Variants in SYCE1 observed in about 807,000 individuals in gnomAD.
The protein encoded by SYCE1 is synaptonemal complex central element protein 1.
Under a neutral mutation model 55.1 loss-of-function variants are expected in SYCE1, and 37 were observed. That is an observed-to-expected ratio of 0.67 (90% CI 0.52 to 0.88). The LOEUF is 0.88. Among genes scored for constraint, SYCE1 ranks in the 40% least tolerant of loss-of-function variants. The pLI, the probability that SYCE1 is intolerant of heterozygous loss-of-function variation, is 0.00. For synonymous variants in SYCE1, 163 were observed against 159.4 expected (o/e 1.02, Z -0.17); for missense variants, 399 against 416.4 (o/e 0.96, Z 0.36).
At chr10:133,565,925 G>A (rs1229062881), upstream of SYCE1, among the ~76,000 whole-genome samples, 3 of 152,330 alleles carry the variant, frequency 2.0e-5, no homozygotes, top group South Asian at 4.1e-4. Flanking sequence ...GACTCCACAA[G>A]GCGCTGTGGC....
rs115801346 is a variant in SYCE1 at position 133,556,696 on chromosome 10, C to T, written c.528+63G>A. 9.3e-4 allele frequency: 1,406 copies of T among 1,515,916 alleles called. 19 individuals carry two copies. In the African/African-American group the frequency reaches 0.016, roughly 17 times the overall value. The allele number at this position is 1,515,916 out of a possible 1,614,324, so 93.9% of individuals were successfully genotyped here. A position where few individuals can be genotyped will look rare whatever the true frequency, so the allele number is the denominator to read the frequency against. ...GTGGCAGGTGAGAGGAAGAAGTGACCGTTTGGGCCTGGTGCTGCTAGGGAA... is the reference window on the plus strand; with the variant it reads ...GTGGCAGGTGAGAGGAAGAAGTGACTGTTTGGGCCTGGTGCTGCTAGGGAA... On this transcript the variant is annotated intron_variant, in intron 8 of 12. Coordinates refer to ENST00000343131, the MANE Select transcript of SYCE1 (RefSeq NM_001143764.3).
At chr10:133,555,207 C>T (rs892347415) in intron 12 of SYCE1, 78 bp from the exon 13 acceptor site, 6 of 1,536,554 alleles carry the variant, frequency 3.9e-6, no homozygotes, top group South Asian at 1.2e-5. Flanking sequence ...CCCATCACCA[C>T]CTTGGGTGGA....
At position 133,560,107 on chromosome 10, in the gene SYCE1, C is replaced by T; in HGVS notation, c.120G>A (p.Val40=). The T allele has an allele frequency of 1.2e-6, 2 of 1,614,064 alleles. No homozygotes were observed. The highest frequency in any genetic ancestry group is 1.7e-6 in the Non-Finnish European group (2 of 1,179,984). ...SQKIEDLMEM[V]QKLQKVGSLE... is the part of the protein sequence containing the mutation. Reference sequence around the variant, plus strand: ...ACACACGACCTTTCTGCAGCTTTTGCACCATTTCCATCAAGTCTTCAATTT... The same window carrying T: ...ACACACGACCTTTCTGCAGCTTTTGTACCATTTCCATCAAGTCTTCAATTT... Residue 40 remains valine (V), a synonymous_variant, in exon 2 of 13, where the codon GTG becomes GTA. Coordinates refer to ENST00000343131, the MANE Select transcript of SYCE1 (RefSeq NM_001143764.3).
intron 2 of SYCE1, 93 bp from the exon 3 acceptor site, chr10:133,559,453 C>A: frequency 2.4e-6 from 3 of 1,256,682 alleles, no homozygotes; most frequent in South Asian, 2.5e-5. Flanking sequence ...CAACACAGAT[C>A]TATTGAGTAC....
chr10:133,565,387 CG>C (rs1231906461), intron 1 of SYCE1, 69 bp downstream of exon 1: 39 of 1,373,832 alleles, frequency 2.8e-5, no homozygotes, highest in Non-Finnish European at 3.7e-5. Flanking sequence ...AGCCGCCACC[CG>C]CGCCCCAACC....
Position 133,555,721 on chromosome 10 carries a change from T to A in SYCE1, c.720-14A>T. 2 of 1,607,114 alleles carry A rather than the reference T, an allele frequency of 1.2e-6. No homozygotes were observed. Among genetic ancestry groups the A allele is most frequent in the South Asian group, 1.1e-5 (1 of 91,064 alleles). On this transcript the variant is annotated splice_polypyrimidine_tract_variant and intron_variant, in intron 10 of 12. Transcript: ENST00000343131. ...TGAAACAGCTGCCTGGGGGGCCCAG[T>A]AGGGGGTGGTCAGCACCGGCCACTC... is the stretch of plus-strand genomic sequence containing the variant.
intron 6 of SYCE1, chr10:133,557,601 T>C (rs8181436): frequency 0.11 from 62,257 of 560,436 alleles, 4,282 homozygotes; most frequent in East Asian, 0.26. Flanking sequence ...CCAAGGAGTA[T>C]GACAAAGAGT....
At chr10:133,557,353 T>C in intron 6 of SYCE1, 197 bp from the exon 7 acceptor site, 1 of 598,898 alleles carries the variant, frequency 1.7e-6, no homozygotes, top group Non-Finnish European at 3.0e-6. Flanking sequence ...GAGATTAATG[T>C]GGACATGGTT....
chr10:133,556,680 G>A, intron 8 of SYCE1, 79 bp downstream of exon 8: 1 of 1,444,880 alleles, frequency 6.9e-7, no homozygotes, highest in East Asian at 2.5e-5. Flanking sequence ...TGTGGCAGGT[G>A]AGAGGAAGAA....
chr10:133,565,412 G>C, intron 1 of SYCE1, 45 bp downstream of exon 1: 1 of 1,473,430 alleles, frequency 6.8e-7, no homozygotes, highest in South Asian at 1.3e-5. Flanking sequence ...CCCCGCCTCG[G>C]CGAGGTCAGA....
upstream of SYCE1, among the ~76,000 whole-genome samples, chr10:133,567,126 G>C (rs1481768929): frequency 6.6e-6 from 1 of 151,330 alleles, no homozygotes; most frequent in Non-Finnish European, 1.5e-5. Context: ...TTGAGGTTAT[G>C]AGTTGAGGTT....
At chr10:133,559,785 T>A in intron 2 of SYCE1, 2 of 431,406 alleles carry the variant, frequency 4.6e-6, no homozygotes, top group Non-Finnish European at 8.5e-6. Context: ...GAGTAGCGGG[T>A]GAGGGGGAAG....
At chr10:133,565,620 G>GCGCCTGCGCAATGCA, upstream of SYCE1, 2 of 1,341,576 alleles carry the variant, frequency 1.5e-6, no homozygotes, top group Non-Finnish European at 2.0e-6. Flanking sequence ...TCCAGGCAGC[G>GCGCCTGCGCAATGCA]CGCCTGCGCA....
upstream of SYCE1, among the ~76,000 whole-genome samples, chr10:133,565,902 T>G (rs1206905156): frequency 6.6e-6 from 1 of 152,202 alleles, no homozygotes; most frequent in Non-Finnish European, 1.5e-5. Context: ...AGTGTGCGTG[T>G]CTGACGGATG....
upstream of SYCE1, chr10:133,568,256 G>C (rs1362634243): frequency 2.8e-6 from 4 of 1,423,974 alleles, no homozygotes; most frequent in African/African-American, 1.4e-5. Flanking sequence ...TCCAGGCCGC[G>C]TTCCCCGGGT....
chr10:133,559,547 C>T (rs1172188689), intron 2 of SYCE1, 187 bp from the exon 3 acceptor site: 15 of 611,270 alleles, frequency 2.5e-5, no homozygotes, highest in Non-Finnish European at 3.6e-5. Flanking sequence ...AATAAGATAC[C>T]GAATGGGGCT....
downstream of SYCE1, chr10:133,554,815 G>A (rs1050535229): frequency 4.1e-6 from 6 of 1,458,088 alleles, no homozygotes; most frequent in Non-Finnish European, 5.4e-6. Flanking sequence ...GAAGAAGCTG[G>A]CAGGTACCAG....
upstream of SYCE1, among the ~76,000 whole-genome samples, chr10:133,567,174 T>G (rs1851964311): frequency 6.6e-6 from 1 of 150,646 alleles, no homozygotes; most frequent in Non-Finnish European, 1.5e-5. Flanking sequence ...GGGTTGGTGT[T>G]GGATTTAGGG....
upstream of SYCE1, among the ~76,000 whole-genome samples, chr10:133,567,364 G>A (rs930922742): frequency 6.6e-6 from 1 of 151,618 alleles, no homozygotes; most frequent in Non-Finnish European, 1.5e-5. Flanking sequence ...GGTGTTAGGG[G>A]TTAGGGTTAA....
Sources: gnomAD v4.1 joint callset for allele counts (sites outside exome capture counted in the v4.1 genomes callset) on GRCh38, gnomAD v4.1.1 for gene constraint, MANE v1.5 for transcripts, NCBI Gene and HGNC (gene_info 2026-07-23, HGNC 2026-07-21) for gene names.